The following SCUBE3 variants were observed in gnomAD, a reference collection of about 807,000 sequenced individuals.
The protein encoded by SCUBE3 is signal peptide, CUB domain and EGF like domain containing 3.
In SCUBE3, 33 loss-of-function variants were observed where a neutral mutation model predicts 116.8. The ratio of observed to expected loss-of-function variants is 0.28; its 90% confidence interval spans 0.21 to 0.38. The LOEUF is 0.38. Ranked by LOEUF, SCUBE3 falls within the 10% of genes least tolerant of loss-of-function variation. The pLI is 1.00. For missense variants in SCUBE3, 1,007 were observed against 1,324.8 expected, an observed-to-expected ratio of 0.76 and a Z score of 3.72; for synonymous variants, 418 against 496.9, an observed-to-expected ratio of 0.84 and a Z score of 2.11.
rs764894264 is a variant in SCUBE3 at position 35,246,283 on chromosome 6, A to C, written c.2830A>C (p.Lys944Gln). 6.2e-7 allele frequency: 1 copy of C among 1,601,758 alleles called. No homozygotes were observed. The highest frequency in any genetic ancestry group is 8.6e-7 in the Non-Finnish European group (1 of 1,168,702). Reference sequence around the variant, plus strand: ...CTCTGAAAACCACCAGGAGATTTTAAAGGTGAATGAATATTAACAATAATG... The same window carrying C: ...CTCTGAAAACCACCAGGAGATTTTACAGGTGAATGAATATTAACAATAATG... The part of the protein sequence containing the change: ...YASENHQEIL[K>Q]DKKLIKAFFE... The change falls in exon 21 of 22, where the codon AAG becomes CAG. Residue 944 changes from lysine to glutamine, a missense_variant and splice_region_variant. Lys to Gln is a moderately conservative substitution (Grantham distance 53, BLOSUM62 1). Coordinates refer to ENST00000274938, the MANE Select transcript of SCUBE3 (RefSeq NM_152753.4).
Position 35,233,832 on chromosome 6 carries a change from T to C in SCUBE3, c.712+531T>C, listed in dbSNP as rs1783648505. Among the ~76,000 whole-genome samples, 1 of 152,068 alleles carries C rather than the reference T, an allele frequency of 6.6e-6. No individual in the cohort carries two copies. On this transcript the variant is annotated intron_variant, in intron 6 of 21. Coordinates refer to ENST00000274938, the MANE Select transcript of SCUBE3 (RefSeq NM_152753.4). This position sits in a 1 kb window ranked among gnomAD's most constrained non-coding sequence, Gnocchi z 5.7. ...GCTCCAGGTATCTTTTTCCTCTTTA[T>C]TCCTTCTCTCCTCACTCTCCTCCTG...
intron 6 of SCUBE3, 142 bp from the exon 7 acceptor site, chr6:35,237,760 C>T: frequency 1.6e-6 from 1 of 615,010 alleles, no homozygotes; most frequent in Non-Finnish European, 3.0e-6. Context: ...CTGGGAGCCT[C>T]CCTTGGCTTA....
At position 35,219,278 on chromosome 6, in the gene SCUBE3, G is replaced by A. The variant is rs1051835878; in HGVS notation, c.85+4775G>A. 1.1e-4 allele frequency among the ~76,000 whole-genome samples: 17 copies of A among 152,190 alleles called. No individual in the cohort carries two copies. Among genetic ancestry groups the A allele is most frequent in the Admixed American group, 2.6e-4 (4 of 15,286 alleles). On this transcript the variant is annotated intron_variant, in intron 1 of 21. Coordinates refer to ENST00000274938, the MANE Select transcript of SCUBE3 (RefSeq NM_152753.4). This position sits in a 1 kb window ranked among gnomAD's most constrained non-coding sequence, Gnocchi z 4.7. ...GTTGGGAAGTGGAGCTGAAATATCC[G>A]TGTTATGGGAACTGAATATTCTTGG...
In SCUBE3 at chr6:35,248,752, A is replaced by T; in HGVS notation, c.*47A>T. ...AATTTTTTAAGCCCCCAGACTCCTTAGCCCTCAGAGCCGGCAGCCCCCTAC... is the reference window on the plus strand; with the variant it reads ...AATTTTTTAAGCCCCCAGACTCCTTTGCCCTCAGAGCCGGCAGCCCCCTAC... On this transcript the variant is annotated 3_prime_UTR_variant, in exon 22 of 22. Coordinates refer to ENST00000274938, the MANE Select transcript of SCUBE3 (RefSeq NM_152753.4). 6.5e-7 allele frequency: 1 copy of T among 1,537,850 alleles called. No individual in the cohort carries two copies. Among genetic ancestry groups the T allele is most frequent in the Middle Eastern group, 1.7e-4 (1 of 5,814 alleles).
rs767999652 is a variant in SCUBE3, at chr6:35,243,005, G to A, written c.1694-16G>A. 9.3e-6 allele frequency: 15 copies of A among 1,611,740 alleles called. No individual in the cohort carries two copies. In the South Asian group the frequency reaches 9.9e-5, roughly 11 times the overall value. On this transcript the variant is annotated splice_polypyrimidine_tract_variant and intron_variant, in intron 14 of 21. Transcript: ENST00000274938. This position sits in a 1 kb window ranked among gnomAD's most constrained non-coding sequence, Gnocchi z 6.6. ...ACTCTTTCTCCTCCCTGATACACAC[G>A]GCCATCCACCACCAGCCAGCTGTGG...
chr6:35,238,218 G>A (rs1029866234), intron 7 of SCUBE3, among the ~76,000 whole-genome samples, 200 bp downstream of exon 7: 1 of 152,008 alleles, frequency 6.6e-6, no homozygotes, highest in South Asian at 2.1e-4. Context: ...GTTCCTTAGT[G>A]CCCCCTTCCC....
intron 14 of SCUBE3, 26 bp from the exon 15 acceptor site, chr6:35,242,993 CCT>C (rs778181756): frequency 6.2e-7 from 1 of 1,607,156 alleles, no homozygotes; most frequent in African/African-American, 1.3e-5. Context: ...CTTTCTCCTC[CCT>C]GATACACACG....
In SCUBE3 at chr6:35,217,222, C is replaced by CGGGGGGGGGGGGGGGG. The variant is rs1260285538; in HGVS notation, c.85+2733_85+2734insGGGGGGGGGGGGGGGG. ...TTTTGGTAAGGGGGTGGGTGTTTGG[C>CGGGGGGGGGGGGGGGG]GGGGGGGGGGGGGGCGGGGGGGAGG... On this transcript the variant is annotated intron_variant, in intron 1 of 21. Coordinates refer to ENST00000274938, the MANE Select transcript of SCUBE3 (RefSeq NM_152753.4). 1.9e-3 allele frequency among the ~76,000 whole-genome samples: 2 copies of CGGGGGGGGGGGGGGGG among 1,070 alleles called. 1 individual carries two copies. The highest frequency in any genetic ancestry group is 0.021 in the Admixed American group (2 of 96). The allele number at this position is 1,070 out of a possible 152,430, so 0.7% of individuals were successfully genotyped here.
chr6:35,224,116 T>G (rs1344179166), intron 1 of SCUBE3: 2 of 152,172 alleles, frequency 1.3e-5, no homozygotes, highest in Admixed American at 1.3e-4. Context: ...ATAGTGTGGC[T>G]GGAAGAGAAA....
rs1414489562 is a variant in SCUBE3, at chr6:35,245,921, T to A, written c.2600-23T>A. The A allele has an allele frequency of 2.5e-6, 4 of 1,612,994 alleles. No individual in the cohort carries two copies. Among genetic ancestry groups the A allele is most frequent in the Non-Finnish European group, 3.4e-6 (4 of 1,179,308 alleles). On this transcript the variant is annotated intron_variant, in intron 19 of 21. Transcript: ENST00000274938. This position sits in a 1 kb window ranked among gnomAD's most constrained non-coding sequence, Gnocchi z 4.2. ...TGGGTAGCCTGCCCTGCTGCTCTAC[T>A]GACCTGCTGCTTGCCTTCCCAGCAT...
chr6:35,239,665 T>A lies in SCUBE3; in HGVS notation c.830-87T>A. 1 of 1,290,844 alleles carries A rather than the reference T, an allele frequency of 7.7e-7. No individual in the cohort carries two copies. The highest frequency in any genetic ancestry group is 1.1e-6 in the Non-Finnish European group (1 of 913,752). The allele number at this position is 1,290,844 out of a possible 1,614,324, so 80.0% of individuals were successfully genotyped here. On this transcript the variant is annotated intron_variant, in intron 7 of 21. Transcript: ENST00000274938. This position sits in a 1 kb window ranked among gnomAD's most constrained non-coding sequence, Gnocchi z 4.1. ...CCCAGGACTCCTTGATTTTTGCATG[T>A]CTCTGTCAGTGAGGGAGGGATCTTT... is the stretch of plus-strand genomic sequence containing the variant.
At chr6:35,223,785 A>T (rs1783205707) in intron 1 of SCUBE3, 1 of 152,214 alleles carries the variant, frequency 6.6e-6, no homozygotes, top group Non-Finnish European at 1.5e-5. Flanking sequence ...GTGGGCACAT[A>T]TGGTAGGAGA....
chr6:35,218,899 G>C (rs2150282578), intron 1 of SCUBE3, among the ~76,000 whole-genome samples: 1 of 152,294 alleles, frequency 6.6e-6, no homozygotes, highest in South Asian at 2.1e-4. Flanking sequence ...CTAAGGATTT[G>C]AGCCTCGGAG....
At position 35,250,632 on chromosome 6, in the gene SCUBE3, TTC is replaced by T. The variant is rs764073158; in HGVS notation, c.*1929_*1930del. On this transcript the variant is annotated 3_prime_UTR_variant, in exon 22 of 22. Transcript: ENST00000274938. ...TCCAAGTGTTGCCTATAAAATTATT[TTC>T]TGTTTTCTCACTCTAGTTCCCCCAA... 6.6e-6 allele frequency: 1 copy of T among 152,164 alleles called. No individual in the cohort carries two copies. The highest frequency in any genetic ancestry group is 2.4e-5 in the African/African-American group (1 of 41,426). The allele number at this position is 152,164 out of a possible 1,614,324, so 9.4% of individuals were successfully genotyped here.
chr6:35,227,620 C>A lies in SCUBE3; in HGVS notation c.126C>A (p.Ile42=), dbSNP rs76268578. ...TGGAGGGGACTGACAACTGCCACAT[C>A]GATGCTATCTGCCAGAACACCCCGA... ...ECVEGTDNCH[I]DAICQNTPRS... The change falls in exon 2 of 22, where the codon ATC becomes ATA. Residue 42 remains isoleucine, a synonymous_variant. Coordinates refer to ENST00000274938, the MANE Select transcript of SCUBE3 (RefSeq NM_152753.4). 124 of 1,614,030 alleles carry A rather than the reference C, an allele frequency of 7.7e-5. No individual in the cohort carries two copies. In the East Asian group the frequency reaches 1.6e-3, roughly 20 times the overall value.
chr6:35,251,605 T>C lies in SCUBE3; in HGVS notation c.*2900T>C, dbSNP rs1201430320. On this transcript the variant is annotated 3_prime_UTR_variant, in exon 22 of 22. Coordinates refer to ENST00000274938, the MANE Select transcript of SCUBE3 (RefSeq NM_152753.4). ...ATGCATACATACATACAAATACACA[T>C]CCTTCAACCATTTATTCCATGGCTT... is the stretch of plus-strand genomic sequence containing the variant. The C allele has an allele frequency of 6.6e-6, 1 of 152,286 alleles. No homozygotes were observed. Among genetic ancestry groups the C allele is most frequent in the Non-Finnish European group, 1.5e-5 (1 of 68,082 alleles). 9.4% of individuals were successfully genotyped at this position (152,286 alleles called of 1,614,324 possible).
Position 35,248,366 on chromosome 6 carries a change from G to T in SCUBE3, c.2833-190G>T, listed in dbSNP as rs1784437353. Among the ~76,000 whole-genome samples, 3 of 152,288 alleles carry T rather than the reference G, an allele frequency of 2.0e-5. No homozygotes were observed. The South Asian group carries it at 6.2e-4, about 32-fold the overall frequency. On this transcript the variant is annotated intron_variant, in intron 21 of 21. Coordinates refer to ENST00000274938, the MANE Select transcript of SCUBE3 (RefSeq NM_152753.4). ...TTGGGGCCTAAGCAACAGAAGGATG[G>T]AGCTGCCACTGATTCAGTTGTGGAA... is the stretch of plus-strand genomic sequence containing the variant.
At chr6:35,227,441 T>G in intron 1 of SCUBE3, 139 bp from the exon 2 acceptor site, 3 of 831,066 alleles carry the variant, frequency 3.6e-6, no homozygotes, top group Non-Finnish European at 5.8e-6. Flanking sequence ...CAGAGAGATG[T>G]GAGACAGCAC....
chr6:35,230,854 G>T (rs921567552), intron 3 of SCUBE3, among the ~76,000 whole-genome samples: 3 of 152,228 alleles, frequency 2.0e-5, no homozygotes, highest in Non-Finnish European at 2.9e-5. Context: ...CAATCTACGT[G>T]ATGCCTCCTG....
Sources: gnomAD v4.1 joint callset for allele counts (sites outside exome capture counted in the v4.1 genomes callset) on GRCh38, gnomAD v4.1.1 for gene constraint, Gnocchi (gnomAD v3.1) non-coding constraint, MANE v1.5 for transcripts, NCBI Gene and HGNC (gene_info 2026-07-23, HGNC 2026-07-21) for gene names.